The following MRTFA variants were observed in gnomAD, a reference collection of about 807,000 sequenced individuals.
The protein encoded by MRTFA is myocardin related transcription factor A.
MRTFA carries 20 observed loss-of-function variants against 83.5 expected under a neutral mutation model. The observed-to-expected ratio is 0.24, with a 90% CI of 0.17 to 0.35. MRTFA has a LOEUF of 0.35. MRTFA is among the 10% of genes least tolerant of loss of function. MRTFA has a pLI of 1.00. For missense variants in MRTFA, 1,200 were observed against 1,224.7 expected (o/e 0.98, Z 0.30); for synonymous variants, 659 against 541.2 (o/e 1.22, Z -3.02).
chr22:40,587,970 A>G, intron 2 of MRTFA: 1 of 314,340 alleles, frequency 3.2e-6, no homozygotes, highest in Non-Finnish European at 6.3e-6. Context: ...TTTTCAGAGT[A>G]CACTGATAAC....
intron 3 of MRTFA, among the ~76,000 whole-genome samples, chr22:40,534,366 G>C (rs111788336): frequency 2.7e-4 from 41 of 152,304 alleles, no homozygotes; most frequent in African/African-American, 9.4e-4. Flanking sequence ...TTTCAGATCT[G>C]TCAGTCCCCT....
chr22:40,566,298 G>A (rs555526393), intron 2 of MRTFA, among the ~76,000 whole-genome samples: 1 of 150,608 alleles, frequency 6.6e-6, no homozygotes, highest in Non-Finnish European at 1.5e-5. Context: ...TCGGCTTACT[G>A]CAGCCTCCAC....
At chr22:40,490,607 AAAAAAG>A (rs1410528597) in intron 3 of MRTFA, among the ~76,000 whole-genome samples, 2 of 151,902 alleles carry the variant, frequency 1.3e-5, no homozygotes, top group Admixed American at 6.6e-5. Context: ...TCAAAAAAAA[AAAAAAG>A]AAAAGAAAAG....
chr22:40,586,811 AC>A, intron 2 of MRTFA: 1 of 380,752 alleles, frequency 2.6e-6, no homozygotes, highest in South Asian at 2.0e-5. Context: ...CTTAAAAACA[AC>A]AACCTTCTTT....
intron 3 of MRTFA, among the ~76,000 whole-genome samples, chr22:40,481,429 AAAC>A (rs998854412): frequency 1.9e-4 from 29 of 152,194 alleles, no homozygotes; most frequent in Non-Finnish European, 4.4e-5. Context: ...ATAGGCAATA[AAAC>A]AACAACATGG....
At chr22:40,562,789 T>C (rs1602433767) in intron 2 of MRTFA, among the ~76,000 whole-genome samples, 2 of 120,892 alleles carry the variant, frequency 1.7e-5, no homozygotes, top group African/African-American at 3.2e-5. Flanking sequence ...AACATGGGGG[T>C]GAATAACAGA....
At chr22:40,465,785 G>T (rs1259894396) in intron 3 of MRTFA, among the ~76,000 whole-genome samples, 3 of 151,584 alleles carry the variant, frequency 2.0e-5, no homozygotes, top group East Asian at 3.9e-4. Context: ...GGTTGGTCTT[G>T]AACTCCTGGG....
intron 3 of MRTFA, among the ~76,000 whole-genome samples, chr22:40,498,268 TATATA>T (rs1379531158): frequency 1.0e-5 from 1 of 96,760 alleles, no homozygotes; most frequent in African/African-American, 4.4e-5. Context: ...TATATATATA[TATATA>T]TTTTTTTTTT....
At position 40,612,765 on chromosome 22, in the gene MRTFA, T is replaced by C. The variant is rs551676017; in HGVS notation, c.-83-18030A>G. Among the ~76,000 whole-genome samples, 5 of 152,132 alleles carry C rather than the reference T, an allele frequency of 3.3e-5. No individual in the cohort carries two copies. The East Asian group carries it at 7.7e-4, about 24-fold the overall frequency. On this transcript the variant is annotated intron_variant, in intron 1 of 14. Coordinates refer to ENST00000355630, the MANE Select transcript of MRTFA (RefSeq NM_020831.6). ...GAGTTTGATACCAGCCCGGACAACA[T>C]AGTAAGGCTCTGTCTCTACAAAACA...
chr22:40,630,289 C>T (rs1352218928), intron 1 of MRTFA, among the ~76,000 whole-genome samples: 2 of 151,902 alleles, frequency 1.3e-5, no homozygotes, highest in African/African-American at 4.8e-5. Flanking sequence ...GTGCTCTACC[C>T]TAGGCAAGAG....
chr22:40,431,254 G>A, intron 6 of MRTFA, 151 bp downstream of exon 6: 1 of 687,360 alleles, frequency 1.5e-6, no homozygotes, highest in East Asian at 2.7e-5. Context: ...CAGCTACCAT[G>A]GCACAGCTGT....
chr22:40,469,480 C>T (rs1011725229), intron 3 of MRTFA, among the ~76,000 whole-genome samples: 10 of 152,190 alleles, frequency 6.6e-5, no homozygotes, highest in African/African-American at 2.4e-4. Context: ...TGGTGCAATG[C>T]TTGTACAGCC....
intron 5 of MRTFA, among the ~76,000 whole-genome samples, chr22:40,432,607 A>G (rs1015657294): frequency 2.0e-5 from 3 of 152,112 alleles, no homozygotes; most frequent in Non-Finnish European, 4.4e-5. Flanking sequence ...GGATAAGACA[A>G]GCCAAAGGAC....
intron 1 of MRTFA, among the ~76,000 whole-genome samples, chr22:40,606,381 C>T (rs1453415379): frequency 6.6e-6 from 1 of 152,160 alleles, no homozygotes; most frequent in African/African-American, 2.4e-5. Context: ...TAACAGGAAA[C>T]AATGCCTACA....
At chr22:40,457,167 C>A (rs1429853962) in intron 4 of MRTFA, among the ~76,000 whole-genome samples, 1 of 152,070 alleles carries the variant, frequency 6.6e-6, no homozygotes, top group Non-Finnish European at 1.5e-5. Flanking sequence ...GAGTTCAAGA[C>A]CAGCCTGGCC....
intron 1 of MRTFA, among the ~76,000 whole-genome samples, chr22:40,608,806 C>T (rs1238204534): frequency 6.6e-6 from 1 of 152,178 alleles, no homozygotes; most frequent in Non-Finnish European, 1.5e-5. Flanking sequence ...ATATGAGGTA[C>T]TTTTTTGTTG....
At chr22:40,423,957 G>A (rs1162769830) in intron 8 of MRTFA, among the ~76,000 whole-genome samples, 1 of 152,200 alleles carries the variant, frequency 6.6e-6, no homozygotes, top group Non-Finnish European at 1.5e-5. Flanking sequence ...AGTGACGTTT[G>A]CAATCCCACT....
chr22:40,618,186 T>C (rs902332089), intron 1 of MRTFA, among the ~76,000 whole-genome samples: 6 of 151,012 alleles, frequency 4.0e-5, no homozygotes, highest in African/African-American at 1.5e-4. Context: ...GCCATTCTCC[T>C]GCCTCAGCCT....
intron 3 of MRTFA, among the ~76,000 whole-genome samples, chr22:40,528,934 G>A (rs1213275842): frequency 6.6e-6 from 1 of 151,902 alleles, no homozygotes. Flanking sequence ...TGTATTCCAA[G>A]ACAATTCTTC....
Sources: gnomAD v4.1 joint callset for allele counts (sites outside exome capture counted in the v4.1 genomes callset) on GRCh38, gnomAD v4.1.1 for gene constraint, MANE v1.5 for transcripts, NCBI Gene and HGNC (gene_info 2026-07-23, HGNC 2026-07-21) for gene names.